GRIK3: variants seen among roughly 807,000 people sequenced by gnomAD.
GRIK3 encodes glutamate ionotropic receptor kainate type subunit 3.
In GRIK3, 29 loss-of-function variants were observed where a neutral mutation model predicts 102.5. The observed-to-expected ratio is 0.28, with a 90% CI of 0.21 to 0.39. The LOEUF (loss-of-function observed/expected upper bound fraction) is 0.39, where lower values mean the gene tolerates loss of function less well. GRIK3 is among the 10% of genes least tolerant of loss of function. GRIK3 has a pLI of 1.00. For missense variants in GRIK3, 908 were observed against 1,252.4 expected (o/e 0.73, Z 4.15); for synonymous variants, 511 against 504.9 (o/e 1.01, Z -0.16).
At chr1:36,835,229 A>G (rs368067824) in intron 10 of GRIK3, among the ~76,000 whole-genome samples, 1 of 152,152 alleles carries the variant, frequency 6.6e-6, no homozygotes, top group Non-Finnish European at 1.5e-5. Context: ...TGCAGGTCCA[A>G]TCTGACAGCA....
rs560628126 is a variant in GRIK3, at chr1:36,976,683, C to T, written c.115+57311G>A. ...GATGATCCGTGCTGATCTTTACCCC[C>T]TCCCCATGGTTCTTGGATCTCTCCA... On this transcript the variant is annotated intron_variant, in intron 1 of 15. Transcript: ENST00000373091. Among the ~76,000 whole-genome samples, 3 of 152,298 alleles carry T rather than the reference C, an allele frequency of 2.0e-5. No individual in the cohort carries two copies. The East Asian group carries it at 5.8e-4, about 29-fold the overall frequency.
chr1:36,971,328 A>G (rs1642137368), intron 1 of GRIK3, among the ~76,000 whole-genome samples: 1 of 152,158 alleles, frequency 6.6e-6, no homozygotes, highest in African/African-American at 2.4e-5. Context: ...TCCCATACAA[A>G]TGGAAGGCTG....
intron 10 of GRIK3, among the ~76,000 whole-genome samples, chr1:36,841,396 G>A (rs1440798242): frequency 6.6e-6 from 1 of 152,212 alleles, no homozygotes; most frequent in Admixed American, 6.5e-5. Context: ...ATCCTCTGGT[G>A]GTTTTTAAAG....
intron 9 of GRIK3, among the ~76,000 whole-genome samples, chr1:36,848,247 G>T (rs1010512474): frequency 6.6e-6 from 1 of 152,020 alleles, no homozygotes; most frequent in African/African-American, 2.4e-5. Flanking sequence ...TATCCTTTTG[G>T]TATATTACCT....
chr1:36,990,043 C>T (rs768877739), intron 1 of GRIK3, among the ~76,000 whole-genome samples: 5 of 152,118 alleles, frequency 3.3e-5, no homozygotes, highest in Non-Finnish European at 5.9e-5. Flanking sequence ...TCAAGTGGGG[C>T]GGTGTAGCTT....
chr1:36,929,967 T>C (rs531262094), intron 1 of GRIK3, among the ~76,000 whole-genome samples: 1 of 152,360 alleles, frequency 6.6e-6, no homozygotes, highest in Non-Finnish European at 1.5e-5. Context: ...TGGCGCTCGC[T>C]GCTGGCAGGA....
intron 1 of GRIK3, among the ~76,000 whole-genome samples, chr1:36,966,426 C>A (rs1642079123): frequency 6.6e-6 from 1 of 152,188 alleles, no homozygotes; most frequent in South Asian, 2.1e-4. Context: ...TGGATCAGAA[C>A]CTCTTTGCCA....
At chr1:36,889,695 G>A (rs1470128479) in intron 2 of GRIK3, among the ~76,000 whole-genome samples, 1 of 152,142 alleles carries the variant, frequency 6.6e-6, no homozygotes, top group Non-Finnish European at 1.5e-5. Flanking sequence ...CTCCGGGAGG[G>A]CTCGGAAACT....
chr1:36,836,205 C>G (rs889542855), intron 10 of GRIK3, among the ~76,000 whole-genome samples: 2 of 152,238 alleles, frequency 1.3e-5, no homozygotes, highest in Non-Finnish European at 2.9e-5. Context: ...CCCATGCATG[C>G]GGGCCAGAAC....
intron 9 of GRIK3, among the ~76,000 whole-genome samples, chr1:36,845,617 C>A (rs1459626037): frequency 6.6e-6 from 1 of 152,216 alleles, no homozygotes; most frequent in Non-Finnish European, 1.5e-5. Context: ...CAGCCCATAG[C>A]CACACATGCA....
chr1:36,872,457 G>A lies in GRIK3; in HGVS notation c.551-88C>T. On this transcript the variant is annotated intron_variant, in intron 3 of 15. Coordinates refer to ENST00000373091, the MANE Select transcript of GRIK3 (RefSeq NM_000831.4). This position sits in a 1 kb window ranked among gnomAD's most constrained non-coding sequence, Gnocchi z 5.9. The stretch of plus-strand genomic sequence containing the variant: ...CACTTGGACTTGTGTGCACACACAT[G>A]CCCATGGCCACAGGTCTGCAGACAT... 2.8e-6 allele frequency: 3 copies of A among 1,074,014 alleles called. No individual in the cohort carries two copies. The highest frequency in any genetic ancestry group is 2.7e-6 in the Non-Finnish European group (2 of 746,796). The allele number at this position is 1,074,014 out of a possible 1,614,324, so 66.5% of individuals were successfully genotyped here.
intron 1 of GRIK3, among the ~76,000 whole-genome samples, chr1:36,954,104 C>T (rs1268708241): frequency 4.6e-5 from 7 of 152,188 alleles, no homozygotes; most frequent in Admixed American, 6.5e-5. Flanking sequence ...GCATCCTTTC[C>T]GCTGGGGAAC....
chr1:36,939,694 G>A (rs1270710797), intron 1 of GRIK3, among the ~76,000 whole-genome samples: 1 of 152,216 alleles, frequency 6.6e-6, no homozygotes, highest in African/African-American at 2.4e-5. Context: ...GTTTTAAGTT[G>A]TGGAAGCCCC....
chr1:36,860,067 C>A, intron 5 of GRIK3, 50 bp from the exon 6 acceptor site: 1 of 1,428,904 alleles, frequency 7.0e-7, no homozygotes, highest in Non-Finnish European at 9.5e-7. Context: ...CTGCTGAGAA[C>A]TCCAGCCCCG....
At chr1:36,857,641 G>T (rs1224412269) in intron 7 of GRIK3, among the ~76,000 whole-genome samples, 1 of 152,198 alleles carries the variant, frequency 6.6e-6, no homozygotes, top group Non-Finnish European at 1.5e-5. Context: ...GCGATCCAAA[G>T]GCACATGTGT....
intron 1 of GRIK3, among the ~76,000 whole-genome samples, chr1:36,961,185 C>A (rs1642004880): frequency 6.6e-6 from 1 of 152,232 alleles, no homozygotes; most frequent in Non-Finnish European, 1.5e-5. Context: ...ACGTGCCCAC[C>A]TGTGCACACA....
chr1:36,799,183 G>T lies in GRIK3; in HGVS notation c.*2668C>A, dbSNP rs1179748232. The T allele has an allele frequency of 6.6e-6, 1 of 152,210 alleles. No homozygotes were observed. The highest frequency in any genetic ancestry group is 1.5e-5 in the Non-Finnish European group (1 of 68,042). The allele number at this position is 152,210 out of a possible 1,614,324, so 9.4% of individuals were successfully genotyped here. On this transcript the variant is annotated 3_prime_UTR_variant, in exon 16 of 16. Coordinates refer to ENST00000373091, the MANE Select transcript of GRIK3 (RefSeq NM_000831.4). ...ACAGGACATGATGTCCACAGCAAAG[G>T]CATCAGCAGCATGAGCCCCTGAAGG...
intron 1 of GRIK3, among the ~76,000 whole-genome samples, chr1:36,949,854 C>T (rs970726720): frequency 6.6e-6 from 1 of 152,166 alleles, no homozygotes; most frequent in Middle Eastern, 3.2e-3. Flanking sequence ...GCTGGGACTA[C>T]AGGCATAAGC....
intron 5 of GRIK3, among the ~76,000 whole-genome samples, chr1:36,866,587 G>T (rs1640787320): frequency 1.3e-5 from 2 of 152,230 alleles, no homozygotes; most frequent in South Asian, 4.1e-4. Context: ...TGTAATAAGT[G>T]CCAAGCATTG....
Sources: allele counts gnomAD v4.1 joint callset (sites outside exome capture counted in the v4.1 genomes callset), GRCh38; gene constraint gnomAD v4.1.1; non-coding constraint Gnocchi (gnomAD v3.1); transcripts MANE v1.5; gene names NCBI Gene and HGNC (gene_info 2026-07-23, HGNC 2026-07-21).